BPIFB3: variants seen among roughly 807,000 people sequenced by gnomAD.
The protein encoded by BPIFB3 is BPI fold-containing family B member 3.
BPIFB3 carries 49 observed loss-of-function variants against 53.1 expected under a neutral mutation model. The observed-to-expected ratio is 0.92, with a 90% CI of 0.73 to 1.17. The LOEUF is 1.17. Ranked by LOEUF, BPIFB3 falls within the 50% of genes most tolerant of loss-of-function variation. The pLI, the probability that BPIFB3 is intolerant of heterozygous loss-of-function variation, is 0.00. For synonymous variants in BPIFB3, 271 were observed against 269.6 expected, an observed-to-expected ratio of 1.01 and a Z score of -0.05; for missense variants, 628 against 592.5, an observed-to-expected ratio of 1.06 and a Z score of -0.62.
chr20:33,056,633 G>A (rs776137951), exon 2 of BPIFB3: 2 of 1,613,620 alleles, frequency 1.2e-6, no homozygotes, highest in South Asian at 2.2e-5. Context: ...GCTCAGGAGG[G>A]CTGCTTGGAG....
At position 33,056,837 on chromosome 20, in the gene BPIFB3, G is replaced by T. The variant is rs1230245984; in HGVS notation, c.281+139G>T. 3 of 1,073,894 alleles carry T rather than the reference G, an allele frequency of 2.8e-6. 1 individual carries two copies. In the African/African-American group the frequency reaches 4.8e-5, roughly 17 times the overall value. 66.5% of individuals were successfully genotyped at this position (1,073,894 alleles called of 1,614,324 possible). A position where few individuals can be genotyped will look rare whatever the true frequency, so the allele number is the denominator to read the frequency against. ...GTTGTGATCCGGGTCTAAAAATGAT[G>T]ACTCTACTGCATGCCTGGCAGGACA... On this transcript the variant is annotated intron_variant, in intron 2 of 14. Transcript: ENST00000375494.
At chr20:33,070,760 G>A (rs969518549) in intron 11 of BPIFB3, among the ~76,000 whole-genome samples, 2 of 151,864 alleles carry the variant, frequency 1.3e-5, no homozygotes, top group Non-Finnish European at 2.9e-5. Flanking sequence ...GACTTTGATG[G>A]AGGGCCTCGC....
intron 4 of BPIFB3, among the ~76,000 whole-genome samples, chr20:33,060,530 C>A (rs994337511): frequency 6.6e-6 from 1 of 152,170 alleles, no homozygotes; most frequent in Non-Finnish European, 1.5e-5. Context: ...GTCCAGGTGG[C>A]CCTCCCTACA....
intron 11 of BPIFB3, among the ~76,000 whole-genome samples, chr20:33,071,037 G>A (rs1462272682): frequency 1.3e-5 from 2 of 152,198 alleles, no homozygotes; most frequent in East Asian, 3.9e-4. Flanking sequence ...CAAGGCCAGA[G>A]GTGGTGGTCA....
exon 2 of BPIFB3, chr20:33,056,588 G>C (rs1980214942): frequency 6.2e-6 from 10 of 1,614,038 alleles, no homozygotes; most frequent in Non-Finnish European, 8.5e-6. Context: ...AGAATGTGCT[G>C]GGATCGGTCA....
chr20:33,056,422 C>G (rs372169410), intron 1 of BPIFB3, 120 bp from the exon 3 acceptor site: 10 of 1,328,500 alleles, frequency 7.5e-6, no homozygotes, highest in Admixed American at 1.9e-5. Context: ...AGTGTAACCT[C>G]TGGGTTAATT....
rs369627899 is a variant in BPIFB3 at position 33,066,815 on chromosome 20, G to T, written c.925-9G>T. ...TGCTCACCAACCCTCTCTCCCATTG[G>T]GGGTCCAGGTTCCCAGCGATGTCCC... On this transcript the variant is annotated splice_polypyrimidine_tract_variant and intron_variant, in intron 8 of 14. Transcript: ENST00000375494. 1.2e-6 allele frequency: 2 copies of T among 1,613,932 alleles called. No homozygotes were observed. Among genetic ancestry groups the T allele is most frequent in the Non-Finnish European group, 1.7e-6 (2 of 1,179,934 alleles).
intron 2 of BPIFB3, 75 bp from the exon 4 acceptor site, chr20:33,059,303 C>A: frequency 8.9e-7 from 1 of 1,124,770 alleles, no homozygotes. Context: ...GGGGACACCA[C>A]CAAGAGCCAC....
chr20:33,053,916 C>T (rs920961596), upstream of BPIFB3, among the ~76,000 whole-genome samples: 1 of 152,186 alleles, frequency 6.6e-6, no homozygotes, highest in African/African-American at 2.4e-5. Flanking sequence ...GAGGAACCGA[C>T]AGGAGGCCGG....
intron 11 of BPIFB3, 100 bp from the exon 13 acceptor site, chr20:33,071,153 C>A: frequency 1.7e-6 from 2 of 1,177,140 alleles, no homozygotes; most frequent in South Asian, 1.5e-5. Flanking sequence ...GGCTGGTAAT[C>A]CTGTTTCCTG....
At chr20:33,063,465 C>T in intron 5 of BPIFB3, 150 bp from the exon 7 acceptor site, 1 of 787,352 alleles carries the variant, frequency 1.3e-6, no homozygotes, top group Non-Finnish European at 2.1e-6. Context: ...TCCCTGCCTC[C>T]CACCTGTGTG....
intron 9 of BPIFB3, 70 bp from the exon 11 acceptor site, chr20:33,068,733 T>G: frequency 6.6e-7 from 1 of 1,504,460 alleles, no homozygotes; most frequent in Non-Finnish European, 9.1e-7. Flanking sequence ...AGGTGCTTAG[T>G]GAGTGTTTGC....
At chr20:33,069,622 G>A (rs967668491) in intron 10 of BPIFB3, among the ~76,000 whole-genome samples, 4 of 152,176 alleles carry the variant, frequency 2.6e-5, no homozygotes, top group African/African-American at 9.7e-5. Context: ...CGTACAGCAG[G>A]CATGCTTGAG....
chr20:33,066,708 A>G (rs191652633), intron 8 of BPIFB3, 116 bp from the exon 10 acceptor site: 2 of 912,316 alleles, frequency 2.2e-6, no homozygotes, highest in African/African-American at 1.6e-5. Flanking sequence ...GTAGTGATAT[A>G]TGTATGAAAT....
At position 33,069,807 on chromosome 20, in the gene BPIFB3, G is replaced by A. The variant is rs76023443; in HGVS notation, c.1150-81G>A. On this transcript the variant is annotated intron_variant, in intron 10 of 14. Coordinates refer to ENST00000375494, the Ensembl canonical transcript of BPIFB3. ...AGGGCCTCAGTAAGGGTTAGTGGACGGAACAGATGGATGGAGGCAGACCCG... is the reference window on the plus strand; with the variant it reads ...AGGGCCTCAGTAAGGGTTAGTGGACAGAACAGATGGATGGAGGCAGACCCG... 2.0e-3 allele frequency: 2,851 copies of A among 1,409,648 alleles called. 35 individuals are homozygous for A. In the African/African-American group the frequency reaches 0.032, roughly 16 times the overall value. 87.3% of individuals were successfully genotyped at this position (1,409,648 alleles called of 1,614,324 possible). A position where few individuals can be genotyped will look rare whatever the true frequency, so the allele number is the denominator to read the frequency against.
At chr20:33,054,766 G>A (rs1178535521), upstream of BPIFB3, among the ~76,000 whole-genome samples, 7 of 152,300 alleles carry the variant, frequency 4.6e-5, no homozygotes, top group Non-Finnish European at 8.8e-5. Context: ...GGGCAAATAC[G>A]GAACTGCTTA....
intron 12 of BPIFB3, 40 bp downstream of exon 13, chr20:33,071,335 A>G: frequency 6.5e-7 from 1 of 1,549,976 alleles, no homozygotes; most frequent in Non-Finnish European, 8.7e-7. Context: ...CAGTGATGAG[A>G]GTCTTCAGGT....
chr20:33,059,146 C>A (rs1370725035), intron 2 of BPIFB3, among the ~76,000 whole-genome samples: 1 of 152,140 alleles, frequency 6.6e-6, no homozygotes, highest in Non-Finnish European at 1.5e-5. Flanking sequence ...CCAGGTTCTG[C>A]ACTCGAATTA....
chr20:33,059,288 A>T (rs1980340919), intron 2 of BPIFB3, 90 bp from the exon 4 acceptor site: 1 of 846,142 alleles, frequency 1.2e-6, no homozygotes, highest in Admixed American at 2.1e-5. Context: ...GTTTGAGGTG[A>T]GATAGGGGAC....
Sources: gnomAD v4.1 joint callset for allele counts (sites outside exome capture counted in the v4.1 genomes callset) on GRCh38, gnomAD v4.1.1 for gene constraint, MANE v1.5 for transcripts, NCBI Gene and HGNC (gene_info 2026-07-23, HGNC 2026-07-21) for gene names.